OTOG: variants seen among roughly 807,000 people sequenced by gnomAD.
The protein encoded by OTOG is otogelin.
Under a neutral mutation model 313.8 loss-of-function variants are expected in OTOG, and 296 were observed. That is an observed-to-expected ratio of 0.94 (90% confidence interval 0.86 to 1.04). The LOEUF (loss-of-function observed/expected upper bound fraction) is 1.04, where lower values mean the gene tolerates loss of function less well. Ranked by LOEUF, OTOG falls within the 50% of genes least tolerant of loss-of-function variation. The probability of loss-of-function intolerance (pLI) is 0.00; values close to 1 mark genes in which losing one functional copy is unlikely to be tolerated. For missense variants in OTOG, 3,948 were observed against 3,840.1 expected, an observed-to-expected ratio of 1.03 and a Z score of -0.74; for synonymous variants, 1,533 against 1,554.9, an observed-to-expected ratio of 0.99 and a Z score of 0.33.
chr11:17,548,257 G>A (rs1297702622), intron 3 of OTOG, 45 bp downstream of exon 3: 1 of 1,481,818 alleles, frequency 6.7e-7, no homozygotes, highest in South Asian at 1.3e-5. Flanking sequence ...AGGAGCTCAT[G>A]TCTATCTGGA....
rs76635790 is a variant in OTOG, at chr11:17,592,556, C to T, written c.3007-637C>T. ...TTTCTGTGAGACATGGACACACACACACACACACTTTGTTTAGTTTATGTG... is the reference window on the plus strand; with the variant it reads ...TTTCTGTGAGACATGGACACACACATACACACACTTTGTTTAGTTTATGTG... On this transcript the variant is annotated intron_variant, in intron 25 of 55. Coordinates refer to ENST00000399397, the MANE Select transcript of OTOG (RefSeq NM_001292063.2). 3.2e-3 allele frequency among the ~76,000 whole-genome samples: 492 copies of T among 152,340 alleles called. 3 individuals are homozygous for T. Among genetic ancestry groups the T allele is most frequent in the African/African-American group, 0.011 (469 of 41,568 alleles).
Position 17,561,742 on chromosome 11 carries a change from A to G in OTOG, c.1579A>G (p.Ile527Val). The G allele has an allele frequency of 6.5e-7, 1 of 1,550,386 alleles. No homozygotes were observed. The highest frequency in any genetic ancestry group is 8.7e-7 in the Non-Finnish European group (1 of 1,146,940). ...CACGTTCCCCGCCACATGTCAGTAC[A>G]TCCTGGCCAAGAGCCGCTCTTCGGG... Reference protein sequence around the residue: ...RYTFPATCQYILAKSRSSGTF... With the variant: ...RYTFPATCQYVLAKSRSSGTF... The change falls in exon 15 of 56, where the codon ATC (isoleucine) becomes GTC (valine). Residue 527 changes from isoleucine to valine, a missense_variant. Physicochemically the swap from Ile to Val is conservative, Grantham distance 29. Coordinates refer to ENST00000399397, the MANE Select transcript of OTOG (RefSeq NM_001292063.2).
At chr11:17,615,859 C>A (rs879665647) in intron 39 of OTOG, among the ~76,000 whole-genome samples, 1 of 151,918 alleles carries the variant, frequency 6.6e-6, no homozygotes, top group South Asian at 2.1e-4. Flanking sequence ...ACCTGGGAGG[C>A]GGAGGTTGCG....
intron 28 of OTOG, among the ~76,000 whole-genome samples, chr11:17,595,471 G>T (rs1565108995): frequency 6.6e-6 from 1 of 152,182 alleles, no homozygotes; most frequent in African/African-American, 2.4e-5. Flanking sequence ...GTTTCTGTGG[G>T]CCAGGAGTCA....
chr11:17,643,952 G>T (rs911653948), intron 54 of OTOG, among the ~76,000 whole-genome samples: 1 of 152,210 alleles, frequency 6.6e-6, no homozygotes, highest in Non-Finnish European at 1.5e-5. Context: ...TCTCCTCCAC[G>T]GGTTAGTGTC....
chr11:17,550,593 A>G (rs1318458946), intron 3 of OTOG, among the ~76,000 whole-genome samples: 3 of 152,226 alleles, frequency 2.0e-5, no homozygotes, highest in Non-Finnish European at 2.9e-5. Flanking sequence ...TGACTCATTT[A>G]TCTCAGAGGC....
rs1345309887 is a variant in OTOG, at chr11:17,612,245, G to T, written c.6207G>T (p.Gln2069His). ...IRVNQSQHCP[Q>H]GAAPPRCGIL... ...TGAATCAGTCCCAGCACTGTCCCCA[G>T]GGTGCTGCTCCCCCTCGCTGTGGGA... The change falls in exon 37 of 56, where the codon CAG becomes CAT. Residue 2069 changes from glutamine to histidine, a missense_variant. By Grantham distance (24) the Gln-to-His change is conservative. Transcript: ENST00000399397. 1.3e-6 allele frequency: 2 copies of T among 1,547,944 alleles called. No homozygotes were observed. Among genetic ancestry groups the T allele is most frequent in the Non-Finnish European group, 1.7e-6 (2 of 1,146,992 alleles).
intron 20 of OTOG, among the ~76,000 whole-genome samples, chr11:17,575,975 C>A (rs563943037): frequency 1.3e-5 from 2 of 152,300 alleles, no homozygotes; most frequent in Admixed American, 6.5e-5. Context: ...GGAAACATAG[C>A]CTTTGCCCTT....
intron 39 of OTOG, among the ~76,000 whole-genome samples, chr11:17,626,198 CAG>C (rs1853980894): frequency 6.6e-6 from 1 of 152,148 alleles, no homozygotes; most frequent in Non-Finnish European, 1.5e-5. Context: ...GTTTTTCAGA[CAG>C]AGTCTCACTC....
chr11:17,595,931 A>T, intron 28 of OTOG, 107 bp from the exon 29 acceptor site: 1 of 762,020 alleles, frequency 1.3e-6, no homozygotes, highest in East Asian at 2.7e-5. Flanking sequence ...AAGGACCTGA[A>T]TATCAGGGGG....
At chr11:17,609,591 C>A in intron 35 of OTOG, 64 bp from the exon 36 acceptor site, 1 of 1,370,498 alleles carries the variant, frequency 7.3e-7, no homozygotes, top group Non-Finnish European at 9.8e-7. Flanking sequence ...CACAGCCCTG[C>A]CCAGCAATGA....
chr11:17,576,577 C>T lies in OTOG; in HGVS notation c.2508C>T (p.Phe836=), dbSNP rs1852531544. The change falls in exon 21 of 56, where the codon TTC becomes TTT. Residue 836 remains phenylalanine, a synonymous_variant. Coordinates refer to ENST00000399397, the MANE Select transcript of OTOG (RefSeq NM_001292063.2). The part of the protein sequence containing the change: ...CVPRNQCSCH[F]QGVDYPPGDS... ...ATAGGAACCAGTGCTCCTGCCACTT[C>T]CAGGGAGTGGACTATCCCCCCGGAG... 2 of 1,550,562 alleles carry T rather than the reference C, an allele frequency of 1.3e-6. No homozygotes were observed. The highest frequency in any genetic ancestry group is 2.4e-5 in the East Asian group (1 of 40,914).
chr11:17,636,272 C>T lies in OTOG; in HGVS notation c.7795+561C>T, dbSNP rs189412130. ...ATATCATGTACTGTGTTCATAGTAC[C>T]TTGATATAGAATGCACTATGTACAT... On this transcript the variant is annotated intron_variant, in intron 47 of 55. Transcript: ENST00000399397. Among the ~76,000 whole-genome samples, 4 of 152,128 alleles carry T rather than the reference C, an allele frequency of 2.6e-5. No individual in the cohort carries two copies. In the East Asian group the frequency reaches 7.7e-4, roughly 29 times the overall value.
intron 6 of OTOG, among the ~76,000 whole-genome samples, chr11:17,554,405 G>T (rs776645578): frequency 6.6e-6 from 1 of 152,212 alleles, no homozygotes; most frequent in Non-Finnish European, 1.5e-5. Context: ...ATAGGAACAC[G>T]TGTGAAAGCC....
chr11:17,631,595 T>A, intron 40 of OTOG, 107 bp from the exon 41 acceptor site: 1 of 886,526 alleles, frequency 1.1e-6, no homozygotes, highest in Non-Finnish European at 1.7e-6. Context: ...ATGGGGATAA[T>A]GGTATTATTG....
At chr11:17,552,661 C>G (rs1250217606) in intron 4 of OTOG, among the ~76,000 whole-genome samples, 1 of 58,788 alleles carries the variant, frequency 1.7e-5, no homozygotes, top group African/African-American at 1.2e-4. Context: ...TCTGCTTTGT[C>G]TTCCCTTCGT....
chr11:17,557,974 G>T (rs1414369703), intron 8 of OTOG, among the ~76,000 whole-genome samples: 1 of 152,156 alleles, frequency 6.6e-6, no homozygotes, highest in South Asian at 2.1e-4. Context: ...GCTACTACAG[G>T]TTCCTGAGCA....
intron 47 of OTOG, among the ~76,000 whole-genome samples, chr11:17,637,582 G>A (rs61676599): frequency 5.3e-4 from 81 of 152,302 alleles, no homozygotes; most frequent in African/African-American, 1.9e-3. Context: ...TTTGGGGCTA[G>A]ACAGTGCGTG....
At position 17,612,748 on chromosome 11, in the gene OTOG, T is replaced by C; in HGVS notation, c.6421T>C (p.Cys2141Arg). The C allele has an allele frequency of 6.4e-7, 1 of 1,550,418 alleles. No homozygotes were observed. Among genetic ancestry groups the C allele is most frequent in the Non-Finnish European group, 8.7e-7 (1 of 1,146,886 alleles). The change falls in exon 38 of 56, where the codon TGC (cysteine) becomes CGC (arginine). Residue 2141 changes from cysteine (C) to arginine (R), a missense_variant. Coordinates refer to ENST00000399397, the MANE Select transcript of OTOG (RefSeq NM_001292063.2). ...AATGCTCACCGTCCATGTACTGGAC[T>C]GCAAAAGTGCCAACCTGGTGCCTGC... ...DEMLTVHVLD[C>R]KSANLGHLNW...
Sources: gnomAD v4.1 joint callset for allele counts (sites outside exome capture counted in the v4.1 genomes callset) on GRCh38, gnomAD v4.1.1 for gene constraint, MANE v1.5 for transcripts, NCBI Gene and HGNC (gene_info 2026-07-23, HGNC 2026-07-21) for gene names.